Variants in SPINK2 observed in about 807,000 individuals in gnomAD.
SPINK2 encodes serine peptidase inhibitor Kazal type 2.
In SPINK2, 8 loss-of-function variants were observed where a neutral mutation model predicts 13.5. The ratio of observed to expected loss-of-function variants is 0.59; its 90% confidence interval spans 0.35 to 1.07. SPINK2 has a LOEUF of 1.07. Ranked by LOEUF, SPINK2 falls within the 50% of genes least tolerant of loss-of-function variation. The pLI is 0.02. For synonymous variants in SPINK2, 76 were observed against 74.7 expected (o/e 1.02, Z -0.09); for missense variants, 148 against 180.3 (o/e 0.82, Z 1.03).
intron 2 of SPINK2, among the ~76,000 whole-genome samples, chr4:56,813,725 C>T (rs1205390609): frequency 2.6e-5 from 4 of 151,612 alleles, no homozygotes; most frequent in Non-Finnish European, 2.9e-5. Context: ...TCAAGCAATT[C>T]TCCTGTCTCA....
In SPINK2 at chr4:56,821,699, G is replaced by C; in HGVS notation, c.-37C>G. 1 of 1,457,156 alleles carries C rather than the reference G, an allele frequency of 6.9e-7. No individual in the cohort carries two copies. 90.3% of individuals were successfully genotyped at this position (1,457,156 alleles called of 1,614,324 possible). A position where few individuals can be genotyped will look rare whatever the true frequency, so the allele number is the denominator to read the frequency against. ...GCCGGCTGTCTTGCCCCTGCGGTCT[G>C]TTACCTGCGCCACTCGCAGGGAGCG... On this transcript the variant is annotated 5_prime_UTR_variant, in exon 1 of 4. Coordinates refer to ENST00000506738, the MANE Select transcript of SPINK2 (RefSeq NM_001271718.2).
intron 2 of SPINK2, among the ~76,000 whole-genome samples, chr4:56,815,762 T>A (rs376341733): frequency 2.8e-5 from 4 of 142,966 alleles, no homozygotes; most frequent in Admixed American, 7.1e-5. Context: ...CCTAAGAAAT[T>A]CACACACACA....
intron 2 of SPINK2, 72 bp from the exon 3 acceptor site, chr4:56,811,866 A>C: frequency 1.5e-6 from 1 of 680,882 alleles, no homozygotes. Flanking sequence ...AGAGGAGAAA[A>C]TGTCCCAGAT....
intron 2 of SPINK2, among the ~76,000 whole-genome samples, chr4:56,819,903 C>A (rs1258808082): frequency 6.6e-6 from 1 of 152,200 alleles, no homozygotes; most frequent in Non-Finnish European, 1.5e-5. Flanking sequence ...GCGTGAGTCA[C>A]TGCGCCCAGC....
intron 2 of SPINK2, among the ~76,000 whole-genome samples, chr4:56,813,705 C>T (rs1560414061): frequency 6.6e-6 from 1 of 151,770 alleles, no homozygotes; most frequent in Non-Finnish European, 1.5e-5. Context: ...GCAACTTCTG[C>T]CTCCCAGGTT....
intron 2 of SPINK2, among the ~76,000 whole-genome samples, chr4:56,816,069 C>T (rs1388575552): frequency 6.6e-6 from 1 of 152,036 alleles, no homozygotes; most frequent in African/African-American, 2.4e-5. Context: ...TGCTATTGCA[C>T]TCTAGCATGA....
At chr4:56,810,678 C>T (rs1042255498) in intron 3 of SPINK2, 1 of 152,616 alleles carries the variant, frequency 6.6e-6, no homozygotes, top group African/African-American at 2.4e-5. Context: ...AAAACCCCAT[C>T]TCTAACAAAA....
intron 2 of SPINK2, among the ~76,000 whole-genome samples, chr4:56,820,087 C>A (rs1052149998): frequency 6.6e-6 from 1 of 152,186 alleles, no homozygotes; most frequent in African/African-American, 2.4e-5. Flanking sequence ...TCCAATCAGG[C>A]CATACCTGAA....
intron 3 of SPINK2, among the ~76,000 whole-genome samples, chr4:56,811,361 G>A (rs571211980): frequency 6.6e-6 from 1 of 152,308 alleles, no homozygotes; most frequent in Non-Finnish European, 1.5e-5. Flanking sequence ...GCTCACGCCT[G>A]TAATCCCAGC....
rs758446880 is a variant in SPINK2 at position 56,811,807 on chromosome 4, AAGAG to A, written c.250-17_250-14del. 1 of 1,569,682 alleles carries A rather than the reference AAGAG, an allele frequency of 6.4e-7. No homozygotes were observed. On this transcript the variant is annotated splice_polypyrimidine_tract_variant and intron_variant, in intron 2 of 3. Coordinates refer to ENST00000506738, the MANE Select transcript of SPINK2 (RefSeq NM_001271718.2). ...GAGAGCAGTTTGGCTGGAAAAAAGA[AAGAG>A]AGAAATTCGAGAATGACTTGAGACA...
intron 1 of SPINK2, chr4:56,821,195 T>A (rs1368656754): frequency 1.8e-6 from 1 of 552,680 alleles, no homozygotes. Flanking sequence ...TTAACTCCAT[T>A]TTAAGAGAGG....
intron 2 of SPINK2, among the ~76,000 whole-genome samples, chr4:56,816,457 G>A (rs1225819443): frequency 6.6e-6 from 1 of 151,972 alleles, no homozygotes; most frequent in African/African-American, 2.4e-5. Flanking sequence ...TTCAAGACCA[G>A]CCTGGCCAAC....
rs1318652456 is a variant in SPINK2 at position 56,821,518 on chromosome 4, C to CCGGAG, written c.140_144dup (p.Gly49LeufsTer25). On this transcript the variant is annotated frameshift_variant, in exon 1 of 4. Coordinates refer to ENST00000506738, the MANE Select transcript of SPINK2 (RefSeq NM_001271718.2). LOFTEE classifies it high-confidence loss of function. ...GCGCGGGTACCGTCGCCGAGGCCGCCCGGAGCAGGGCAGGGTCCGCCGCCG... is the reference window on the plus strand; with the variant it reads ...GCGCGGGTACCGTCGCCGAGGCCGCCCGGAGCGGAGCAGGGCAGGGTCCGCCGCCG... 6.5e-7 allele frequency: 1 copy of CCGGAG among 1,542,714 alleles called. No homozygotes were observed. Among genetic ancestry groups the CCGGAG allele is most frequent in the Non-Finnish European group, 8.7e-7 (1 of 1,146,062 alleles).
chr4:56,816,059 T>C (rs1272012572), intron 2 of SPINK2, among the ~76,000 whole-genome samples: 1 of 152,074 alleles, frequency 6.6e-6, no homozygotes, highest in Non-Finnish European at 1.5e-5. Flanking sequence ...GTTATGATCA[T>C]GCTATTGCAC....
In SPINK2 at chr4:56,814,033, C is replaced by A. The variant is rs146864959; in HGVS notation, c.250-2239G>T. 2.5e-3 allele frequency among the ~76,000 whole-genome samples: 374 copies of A among 151,320 alleles called. 1 individual carries two copies. The highest frequency in any genetic ancestry group is 8.9e-3 in the African/African-American group (365 of 41,236). On this transcript the variant is annotated intron_variant, in intron 2 of 3. Transcript: ENST00000506738. ...CTGCCTCCCAAGTTCAGGCGATTCT[C>A]CTGCCTCAGCCTCCCATATGGGTAG...
At chr4:56,818,763 T>C (rs1469716222) in intron 2 of SPINK2, among the ~76,000 whole-genome samples, 2 of 152,162 alleles carry the variant, frequency 1.3e-5, no homozygotes, top group Admixed American at 6.6e-5. Flanking sequence ...CACTTTACCC[T>C]AATCCCAGCC....
chr4:56,811,678 A>G lies in SPINK2; in HGVS notation c.359+7T>C. 1.3e-6 allele frequency: 2 copies of G among 1,579,892 alleles called. No homozygotes were observed. The highest frequency in any genetic ancestry group is 1.7e-6 in the Non-Finnish European group (2 of 1,157,472). ...TTGGCTAGTCTACAGCTGTAAAATC[A>G]TGTTACCTGATTTTCATGCACAGAG... On this transcript the variant is annotated splice_region_variant and intron_variant, in intron 3 of 3. Coordinates refer to ENST00000506738, the MANE Select transcript of SPINK2 (RefSeq NM_001271718.2).
intron 2 of SPINK2, 143 bp from the exon 3 acceptor site, chr4:56,811,937 C>CTTT (rs375969300): frequency 4.5e-4 from 78 of 174,012 alleles, no homozygotes; most frequent in South Asian, 8.0e-4. Context: ...AAAATTTTTT[C>CTTT]TTTTTTTTTT....
intron 2 of SPINK2, among the ~76,000 whole-genome samples, chr4:56,814,419 A>G (rs1717257648): frequency 2.0e-5 from 3 of 151,994 alleles, no homozygotes. Flanking sequence ...TCATTTACAG[A>G]TGTTACGGGA....
Sources: allele counts gnomAD v4.1 joint callset (sites outside exome capture counted in the v4.1 genomes callset), GRCh38; gene constraint gnomAD v4.1.1; transcripts MANE v1.5; gene names NCBI Gene and HGNC (gene_info 2026-07-23, HGNC 2026-07-21).